The following DYSF variants were observed in gnomAD, a reference collection of about 807,000 sequenced individuals.
The protein encoded by DYSF is dystrophy-associated fer-1-like 1.
Under a neutral mutation model 274.9 loss-of-function variants are expected in DYSF, and 212 were observed. That is an observed-to-expected ratio of 0.77 (90% confidence interval 0.69 to 0.86). The LOEUF (loss-of-function observed/expected upper bound fraction) is 0.86. Among genes scored for constraint, DYSF ranks in the 40% least tolerant of loss-of-function variants. The pLI, the probability that DYSF is intolerant of heterozygous loss-of-function variation, is 0.00. For missense variants in DYSF, 2,666 were observed against 2,783.2 expected (o/e 0.96, Z 0.95); for synonymous variants, 1,091 against 1,078.7 (o/e 1.01, Z -0.22).
rs558377713 is a variant in DYSF at position 71,659,359 on chromosome 2, T to C, written c.4911+326T>C. ...GAGGGGCCAAAAGCATAGGCAAAGGTTTGAAAGAAAATTGCTTAATGTGTG... is the reference window on the plus strand; with the variant it reads ...GAGGGGCCAAAAGCATAGGCAAAGGCTTGAAAGAAAATTGCTTAATGTGTG... On this transcript the variant is annotated intron_variant, in intron 44 of 55. Transcript: ENST00000410020. Among the ~76,000 whole-genome samples, 12 of 152,090 alleles carry C rather than the reference T, an allele frequency of 7.9e-5. No individual in the cohort carries two copies. In the South Asian group the frequency reaches 1.7e-3, roughly 21 times the overall value.
At chr2:71,586,798 T>G (rs935543818) in intron 30 of DYSF, among the ~76,000 whole-genome samples, 1 of 151,874 alleles carries the variant, frequency 6.6e-6, no homozygotes, top group Admixed American at 6.6e-5. Flanking sequence ...AGAGGAAGGA[T>G]GGGGCCCTGG....
Position 71,673,085 on chromosome 2 carries a change from C to G in DYSF, c.5785-1112C>G, listed in dbSNP as rs114374941. ...TTACCAGGCATTTGGTGGAGCTTTTCCCCTGCAGAGTTGGGTCCAGGCCCT... is the reference window on the plus strand; with the variant it reads ...TTACCAGGCATTTGGTGGAGCTTTTGCCCTGCAGAGTTGGGTCCAGGCCCT... On this transcript the variant is annotated intron_variant, in intron 51 of 55. Transcript: ENST00000410020. Among the ~76,000 whole-genome samples the G allele has an allele frequency of 7.2e-3, 1,090 of 152,320 alleles. 18 individuals are homozygous for G. Among genetic ancestry groups the G allele is most frequent in the African/African-American group, 0.025 (1,020 of 41,582 alleles).
At chr2:71,468,387 C>A (rs1209345858) in intron 1 of DYSF, among the ~76,000 whole-genome samples, 2 of 152,140 alleles carry the variant, frequency 1.3e-5, no homozygotes, top group Admixed American at 1.3e-4. Flanking sequence ...AATTGAAACC[C>A]AGGGAAGTTA....
intron 30 of DYSF, among the ~76,000 whole-genome samples, chr2:71,581,474 T>C (rs557847897): frequency 6.6e-6 from 1 of 152,372 alleles, no homozygotes; most frequent in Admixed American, 6.5e-5. Context: ...TCCTTTGGCC[T>C]GGGCTCCTGG....
In DYSF at chr2:71,515,735, G is replaced by A. The variant is rs753961032; in HGVS notation, c.872G>A (p.Ser291Asn). 39 of 1,614,046 alleles carry A rather than the reference G, an allele frequency of 2.4e-5. No individual in the cohort carries two copies. Among genetic ancestry groups the A allele is most frequent in the Admixed American group, 8.3e-5 (5 of 60,008 alleles). Residue 291 changes from serine to asparagine, a missense_variant, in exon 8 of 56, where the codon AGC (serine) becomes AAC (asparagine). By Grantham distance (46) the Ser-to-Asn change is conservative. Coordinates refer to ENST00000410020, the MANE Select transcript of DYSF (RefSeq NM_001130987.2). ...TKRTRIHKGN[S>N]PLFNETLFFN... ...CGGACGCGGATCCACAAGGGAAACA[G>A]CCCACTCTTCAATGAGGTGGGAGAC...
At chr2:71,464,224 T>A (rs550651316), upstream of DYSF, among the ~76,000 whole-genome samples, 1 of 152,354 alleles carries the variant, frequency 6.6e-6, no homozygotes, top group South Asian at 2.1e-4. Flanking sequence ...GTTTATTCTT[T>A]CAGTCCATCA....
At chr2:71,653,833 A>C (rs898477909) in intron 42 of DYSF, among the ~76,000 whole-genome samples, 3 of 150,990 alleles carry the variant, frequency 2.0e-5, no homozygotes, top group African/African-American at 7.3e-5. Flanking sequence ...TTAAAAAATA[A>C]TAATAATAAA....
intron 3 of DYSF, among the ~76,000 whole-genome samples, chr2:71,490,425 C>T (rs977718446): frequency 2.6e-5 from 4 of 152,204 alleles, no homozygotes; most frequent in Non-Finnish European, 4.4e-5. Context: ...CTGCAACCTC[C>T]GCCTCCCGGG....
At chr2:71,553,714 C>T in intron 20 of DYSF, 93 bp from the exon 21 acceptor site, 2 of 1,174,544 alleles carry the variant, frequency 1.7e-6, no homozygotes, top group Non-Finnish European at 2.4e-6. Flanking sequence ...CCAGTCCTAG[C>T]CCTGGAGTGC....
intron 19 of DYSF, among the ~76,000 whole-genome samples, chr2:71,552,197 C>G (rs975321584): frequency 2.0e-5 from 3 of 152,070 alleles, no homozygotes; most frequent in African/African-American, 7.2e-5. Context: ...GCCTTGTGTC[C>G]AGGAGGTAGC....
chr2:71,668,444 G>A (rs1000566282), intron 48 of DYSF, among the ~76,000 whole-genome samples: 7 of 152,102 alleles, frequency 4.6e-5, no homozygotes, highest in Admixed American at 1.3e-4. Flanking sequence ...ATAACTGAAC[G>A]GTGCTCTTTG....
intron 1 of DYSF, among the ~76,000 whole-genome samples, chr2:71,474,997 G>A (rs561746016): frequency 1.1e-4 from 16 of 152,306 alleles, no homozygotes; most frequent in African/African-American, 3.8e-4. Flanking sequence ...CTGTGCAGCA[G>A]ACACTTTTAT....
Position 71,681,186 on chromosome 2 carries a change from C to T in DYSF, c.6173+76C>T, listed in dbSNP as rs2095292155. The T allele has an allele frequency of 5.1e-6, 7 of 1,383,194 alleles. No homozygotes were observed. The South Asian group carries it at 8.4e-5, about 17-fold the overall frequency. The allele number at this position is 1,383,194 out of a possible 1,614,324, so 85.7% of individuals were successfully genotyped here. A position where few individuals can be genotyped will look rare whatever the true frequency, so the allele number is the denominator to read the frequency against. ...CCACAGTCCAGGAGGCATCCCATTG[C>T]ATGGCCATGTAGAAGTCACAAAGCC... On this transcript the variant is annotated intron_variant, in intron 54 of 55. Transcript: ENST00000410020.
At chr2:71,479,998 T>C (rs928915359) in intron 1 of DYSF, among the ~76,000 whole-genome samples, 1 of 152,242 alleles carries the variant, frequency 6.6e-6, no homozygotes, top group Non-Finnish European at 1.5e-5. Context: ...GCAACCATCA[T>C]CATGATCTAA....
intron 1 of DYSF, among the ~76,000 whole-genome samples, chr2:71,467,286 G>A (rs1317501127): frequency 2.0e-5 from 3 of 152,120 alleles, no homozygotes; most frequent in African/African-American, 7.2e-5. Flanking sequence ...GAGGAATCAG[G>A]GCCTCTGAAA....
At position 71,513,015 on chromosome 2, in the gene DYSF, G is replaced by T. The variant is rs1227022266; in HGVS notation, c.461-225G>T. Among the ~76,000 whole-genome samples the T allele has an allele frequency of 2.0e-5, 3 of 152,164 alleles. No individual in the cohort carries two copies. In the East Asian group the frequency reaches 5.8e-4, roughly 29 times the overall value. ...AATACTCTGGGACTGTGTTGAGGTGGATCTGACAGAGTTAGGTGCAGGCCA... is the reference window on the plus strand; with the variant it reads ...AATACTCTGGGACTGTGTTGAGGTGTATCTGACAGAGTTAGGTGCAGGCCA... On this transcript the variant is annotated intron_variant, in intron 5 of 55. Transcript: ENST00000410020.
chr2:71,480,672 T>C (rs1490371289), intron 1 of DYSF, among the ~76,000 whole-genome samples: 1 of 152,142 alleles, frequency 6.6e-6, no homozygotes, highest in Non-Finnish European at 1.5e-5. Context: ...TTTGAAAGCA[T>C]GTTTCTGATG....
intron 47 of DYSF, among the ~76,000 whole-genome samples, chr2:71,666,036 C>T (rs1221191113): frequency 6.6e-6 from 1 of 151,450 alleles, no homozygotes; most frequent in Non-Finnish European, 1.5e-5. Context: ...ATGCCCCCAT[C>T]CCCCACCCCC....
rs1559054683 is a variant in DYSF at position 71,516,077 on chromosome 2, A to T, written c.889-103A>T. The T allele has an allele frequency of 4.3e-6, 5 of 1,163,906 alleles. No individual in the cohort carries two copies. In the South Asian group the frequency reaches 6.2e-5, roughly 14 times the overall value. 72.1% of individuals were successfully genotyped at this position (1,163,906 alleles called of 1,614,324 possible). A position where few individuals can be genotyped will look rare whatever the true frequency, so the allele number is the denominator to read the frequency against. ...TGCCCAATCCACATTTTCTGAGGGG[A>T]CTAAACTGCTAGGCGTGGAGGCTTG... On this transcript the variant is annotated intron_variant, in intron 8 of 55. Coordinates refer to ENST00000410020, the MANE Select transcript of DYSF (RefSeq NM_001130987.2).
Sources: gnomAD v4.1 joint callset for allele counts (sites outside exome capture counted in the v4.1 genomes callset) on GRCh38, gnomAD v4.1.1 for gene constraint, MANE v1.5 for transcripts, NCBI Gene and HGNC (gene_info 2026-07-23, HGNC 2026-07-21) for gene names.